Variants in DSE observed in about 807,000 individuals in gnomAD.
DSE encodes dermatan-sulfate epimerase.
Under a neutral mutation model 84.4 loss-of-function variants are expected in DSE, and 36 were observed. The observed-to-expected ratio is 0.43, with a 90% CI of 0.33 to 0.56. The LOEUF (loss-of-function observed/expected upper bound fraction) is 0.56. DSE is among the 20% of genes least tolerant of loss of function. The pLI, the probability that DSE is intolerant of heterozygous loss-of-function variation, is 0.06. For synonymous variants in DSE, 410 were observed against 430.1 expected, an observed-to-expected ratio of 0.95 and a Z score of 0.58; for missense variants, 862 against 1,169.6, an observed-to-expected ratio of 0.74 and a Z score of 3.84.
intron 1 of DSE, among the ~76,000 whole-genome samples, chr6:116,378,542 C>G (rs965329313): frequency 1.3e-5 from 2 of 152,096 alleles, no homozygotes; most frequent in Non-Finnish European, 2.9e-5. Flanking sequence ...CATTGCAAAA[C>G]TCCTCCATCC....
At chr6:116,286,051 T>G (rs1177607508) in intron 2 of DSE, among the ~76,000 whole-genome samples, 1 of 152,234 alleles carries the variant, frequency 6.6e-6, no homozygotes, top group Admixed American at 6.5e-5. Flanking sequence ...TATCCAATTC[T>G]GTGAAGAAAG....
intron 1 of DSE, chr6:116,258,370 A>G (rs1772235892): frequency 3.2e-6 from 2 of 625,428 alleles, no homozygotes; most frequent in Admixed American, 5.0e-5. Flanking sequence ...CTTGAAATTC[A>G]TATTGTATAT....
intron 2 of DSE, among the ~76,000 whole-genome samples, chr6:116,363,331 GA>G (rs1320386761): frequency 6.6e-6 from 1 of 151,566 alleles, no homozygotes; most frequent in Admixed American, 6.6e-5. Flanking sequence ...TGACTGATCA[GA>G]AAGTGAGATT....
intron 2 of DSE, chr6:116,279,786 G>T (rs780748901): frequency 1.2e-6 from 2 of 1,612,874 alleles, no homozygotes; most frequent in Non-Finnish European, 8.5e-7. Context: ...TGATGCTGTG[G>T]GTTTGGAGGG....
chr6:116,403,553 G>A (rs956844793), intron 2 of DSE, among the ~76,000 whole-genome samples: 4 of 152,098 alleles, frequency 2.6e-5, no homozygotes, highest in African/African-American at 9.7e-5. Context: ...AAAGAAAAGA[G>A]GGGGGAAAGA....
In DSE at chr6:116,436,354, C is replaced by A; in HGVS notation, c.1886C>A (p.Thr629Asn). ...MDDTGYSEKA[T>N]FASVTYPRGY... ...GATACTGGCTACAGCGAGAAAGCAA[C>A]CTTTGCCTCAGTGACATATCCTCGG... The change falls in exon 6 of 6, where the codon ACC becomes AAC. Residue 629 changes from threonine to asparagine, a missense_variant. Thr to Asn is a moderately conservative substitution (Grantham distance 65, BLOSUM62 0). Coordinates refer to ENST00000644252, the MANE Select transcript of DSE (RefSeq NM_013352.4). The A allele has an allele frequency of 6.2e-7, 1 of 1,614,170 alleles. No homozygotes were observed. Among genetic ancestry groups the A allele is most frequent in the Non-Finnish European group, 8.5e-7 (1 of 1,180,012 alleles).
intron 2 of DSE, among the ~76,000 whole-genome samples, chr6:116,300,452 G>A (rs1203695780): frequency 2.0e-5 from 3 of 152,128 alleles, no homozygotes; most frequent in Non-Finnish European, 4.4e-5. Flanking sequence ...CCTGCTTGTT[G>A]ATAAAATTCC....
At chr6:116,331,713 C>T (rs1158730059) in intron 2 of DSE, among the ~76,000 whole-genome samples, 1 of 152,108 alleles carries the variant, frequency 6.6e-6, no homozygotes, top group Non-Finnish European at 1.5e-5. Context: ...AGTCCCAGCA[C>T]TTTGGGAGGC....
At chr6:116,392,637 C>T (rs1780982689) in intron 1 of DSE, among the ~76,000 whole-genome samples, 1 of 152,210 alleles carries the variant, frequency 6.6e-6, no homozygotes, top group East Asian at 1.9e-4. Context: ...ACATCTGTGA[C>T]AGCTGCTGGC....
chr6:116,340,400 C>T (rs1261543930), intron 2 of DSE, among the ~76,000 whole-genome samples: 1 of 152,124 alleles, frequency 6.6e-6, no homozygotes, highest in East Asian at 1.9e-4. Flanking sequence ...TTCTTCACTT[C>T]AGTTTTCAAA....
intron 2 of DSE, among the ~76,000 whole-genome samples, chr6:116,411,159 A>T (rs530095388): frequency 6.6e-6 from 1 of 151,628 alleles, no homozygotes; most frequent in Non-Finnish European, 1.5e-5. Flanking sequence ...GGGTGTGTGT[A>T]TGTGTGTGTG....
chr6:116,333,069 G>C (rs911850377), intron 2 of DSE, among the ~76,000 whole-genome samples: 1 of 152,136 alleles, frequency 6.6e-6, no homozygotes, highest in Non-Finnish European at 1.5e-5. Flanking sequence ...CTTATTCACT[G>C]CTAATGTGAA....
chr6:116,364,781 A>AT (rs1779071606), intron 2 of DSE, among the ~76,000 whole-genome samples: 1 of 151,466 alleles, frequency 6.6e-6, no homozygotes, highest in African/African-American at 2.4e-5. Flanking sequence ...AAATAAACAT[A>AT]TTCTCTAATT....
intron 2 of DSE, among the ~76,000 whole-genome samples, chr6:116,285,833 A>ATG (rs1348823955): frequency 6.6e-6 from 1 of 151,984 alleles, no homozygotes; most frequent in Non-Finnish European, 1.5e-5. Context: ...ATGGTTGTAG[A>ATG]TGTGTGGTAT....
Position 116,426,560 on chromosome 6 carries a change from A to G in DSE, c.417-14A>G, listed in dbSNP as rs1783467082. On this transcript the variant is annotated splice_polypyrimidine_tract_variant and intron_variant, in intron 2 of 5. Transcript: ENST00000644252. ...TCTGATGAACTCATTTCCATGATTT[A>G]TTTTCCTTTACAGGTTGGTGAAAGA... 2 of 1,609,088 alleles carry G rather than the reference A, an allele frequency of 1.2e-6. No individual in the cohort carries two copies. The highest frequency in any genetic ancestry group is 2.2e-5 in the South Asian group (2 of 90,810).
chr6:116,377,753 C>T (rs565710547), intron 1 of DSE, among the ~76,000 whole-genome samples: 55 of 152,240 alleles, frequency 3.6e-4, no homozygotes, highest in Middle Eastern at 3.4e-3. Flanking sequence ...ATATCCAACA[C>T]GGTGTAGAGC....
intron 1 of DSE, among the ~76,000 whole-genome samples, chr6:116,393,762 C>A (rs1201534752): frequency 1.3e-5 from 2 of 152,122 alleles, no homozygotes; most frequent in South Asian, 2.1e-4. Flanking sequence ...GTTTTTTAAT[C>A]CATCTTAGTT....
chr6:116,313,497 A>G (rs1278471697), intron 2 of DSE, among the ~76,000 whole-genome samples: 1 of 152,238 alleles, frequency 6.6e-6, no homozygotes, highest in Non-Finnish European at 1.5e-5. Flanking sequence ...TTGATTTAGT[A>G]ATAATGATTG....
Position 116,438,526 on chromosome 6 carries a change from A to G in DSE, c.*1181A>G, listed in dbSNP as rs576526834. ...CAACTTTTAAAAGCATAAAATTTTC[A>G]ATCAACTCCTCAGAAGGTAACAGCA... On this transcript the variant is annotated 3_prime_UTR_variant, in exon 6 of 6. Coordinates refer to ENST00000644252, the MANE Select transcript of DSE (RefSeq NM_013352.4). 2.0e-5 allele frequency: 3 copies of G among 152,176 alleles called. No individual in the cohort carries two copies. The highest frequency in any genetic ancestry group is 4.4e-5 in the Non-Finnish European group (3 of 67,980). The allele number at this position is 152,176 out of a possible 1,614,324, so 9.4% of individuals were successfully genotyped here.
Sources: allele counts gnomAD v4.1 joint callset (sites outside exome capture counted in the v4.1 genomes callset), GRCh38; gene constraint gnomAD v4.1.1; transcripts MANE v1.5; gene names NCBI Gene and HGNC (gene_info 2026-07-23, HGNC 2026-07-21).